KIF26B: variants seen among roughly 807,000 people sequenced by gnomAD.
KIF26B encodes the protein kinesin-like protein KIF26B.
KIF26B carries 63 observed loss-of-function variants against 151.2 expected under a neutral mutation model. That is an observed-to-expected ratio of 0.42 (90% confidence interval 0.34 to 0.51). The LOEUF (loss-of-function observed/expected upper bound fraction) is 0.51, where lower values mean the gene tolerates loss of function less well. KIF26B is among the 20% of genes least tolerant of loss of function. KIF26B has a pLI of 0.07. For missense variants in KIF26B, 2,813 were observed against 2,913.6 expected (o/e 0.97, Z 0.79); for synonymous variants, 1,357 against 1,262.1 (o/e 1.08, Z -1.59).
At chr1:245,425,534 G>A (rs1188918416) in intron 4 of KIF26B, among the ~76,000 whole-genome samples, 1 of 152,140 alleles carries the variant, frequency 6.6e-6, no homozygotes, top group East Asian at 1.9e-4. Flanking sequence ...AGCCTCCCGA[G>A]TAGCTGGGAC....
chr1:245,341,303 GTTTTTTTTTTTTTTTTT>G (rs34249209), intron 2 of KIF26B, among the ~76,000 whole-genome samples: 12 of 82,538 alleles, frequency 1.5e-4, no homozygotes, highest in South Asian at 6.2e-4. Flanking sequence ...AAAAGATGCA[GTTTTTTTTTTTTTTTTT>G]TTTTTTTTTT....
intron 3 of KIF26B, among the ~76,000 whole-genome samples, chr1:245,387,868 C>G (rs1212913732): frequency 6.6e-6 from 1 of 152,196 alleles, no homozygotes; most frequent in Non-Finnish European, 1.5e-5. Flanking sequence ...CAGGTCCCAT[C>G]TCTCTCCCTC....
At chr1:245,696,919 G>A (rs538788282) in intron 12 of KIF26B, among the ~76,000 whole-genome samples, 12 of 152,308 alleles carry the variant, frequency 7.9e-5, no homozygotes, top group African/African-American at 2.9e-4. Flanking sequence ...AGACCAGTCT[G>A]GCCAACATCG....
At chr1:245,353,854 A>T (rs1672623806) in intron 2 of KIF26B, 1 of 152,660 alleles carries the variant, frequency 6.6e-6, no homozygotes, top group Non-Finnish European at 1.5e-5. Context: ...GGATTAATTC[A>T]TCAGTCCCCA....
intron 4 of KIF26B, among the ~76,000 whole-genome samples, chr1:245,499,452 A>T (rs183099702): frequency 6.6e-6 from 1 of 152,356 alleles, no homozygotes; most frequent in East Asian, 1.9e-4. Context: ...GCTAACCTGC[A>T]CTGCCATAGT....
rs977593017 is a variant in KIF26B, at chr1:245,687,405, C to G, written c.4422C>G (p.Thr1474=). The G allele has an allele frequency of 1.9e-6, 3 of 1,588,476 alleles. No homozygotes were observed. Among genetic ancestry groups the G allele is most frequent in the Middle Eastern group, 1.7e-4 (1 of 6,042 alleles). ...ETATGPSNAE[T]RAEQEQDGKP... is the part of the protein sequence containing the mutation. ...CCACGGGCCCCTCGAATGCTGAGAC[C>G]AGAGCAGAGCAGGAGCAGGACGGAA... The change falls in exon 12 of 15, where the codon ACC becomes ACG. Residue 1474 remains threonine (T), a synonymous_variant. Transcript: ENST00000407071. This position sits in a 1 kb window ranked among gnomAD's most constrained non-coding sequence, Gnocchi z 4.9.
At chr1:245,632,660 C>T (rs1466828258) in intron 9 of KIF26B, among the ~76,000 whole-genome samples, 1 of 152,200 alleles carries the variant, frequency 6.6e-6, no homozygotes, top group Non-Finnish European at 1.5e-5. Flanking sequence ...GTAATCCCAG[C>T]ACTTTGGAAG....
chr1:245,213,260 G>C (rs1382172916), intron 2 of KIF26B, among the ~76,000 whole-genome samples: 1 of 152,194 alleles, frequency 6.6e-6, no homozygotes, highest in African/African-American at 2.4e-5. Context: ...GGGGCCTGGA[G>C]AGGGGCCACA....
intron 4 of KIF26B, among the ~76,000 whole-genome samples, chr1:245,511,514 A>G (rs1660836641): frequency 6.6e-6 from 1 of 152,272 alleles, no homozygotes; most frequent in Non-Finnish European, 1.5e-5. Context: ...TTCTCTTTAC[A>G]GGATCATAAA....
chr1:245,415,523 G>A (rs1354730726), intron 3 of KIF26B, among the ~76,000 whole-genome samples: 1 of 152,068 alleles, frequency 6.6e-6, no homozygotes, highest in African/African-American at 2.4e-5. Context: ...CAGTGTATGC[G>A]GGAAAAACCA....
chr1:245,466,184 AATGTTTGT>A (rs906186171), intron 4 of KIF26B, among the ~76,000 whole-genome samples: 1 of 57,062 alleles, frequency 1.8e-5, no homozygotes, highest in Non-Finnish European at 3.6e-5. Context: ...GATCGATGGG[AATGTTTGT>A]TTGTTTGTTT....
rs73125023 is a variant in KIF26B, at chr1:245,170,449, C to G, written c.465+13766C>G. 6.6e-6 allele frequency among the ~76,000 whole-genome samples: 1 copy of G among 152,092 alleles called. No individual in the cohort carries two copies. Among genetic ancestry groups the G allele is most frequent in the South Asian group, 2.1e-4 (1 of 4,818 alleles). On this transcript the variant is annotated intron_variant, in intron 2 of 14. Coordinates refer to ENST00000407071, the MANE Select transcript of KIF26B (RefSeq NM_018012.4). The surrounding 1 kb of genome is among the most constrained non-coding windows in gnomAD (Gnocchi z 4.4). The stretch of plus-strand genomic sequence containing the variant: ...CAATTGGTTCCAGGTGTTCCAGGGA[C>G]GAAACTTATCAGAACCAAACATAGA...
chr1:245,441,611 C>A (rs558984973), intron 4 of KIF26B, among the ~76,000 whole-genome samples: 1 of 152,062 alleles, frequency 6.6e-6, no homozygotes, highest in East Asian at 1.9e-4. Flanking sequence ...CAACGCAGAC[C>A]CCGGGAAGAG....
intron 2 of KIF26B, among the ~76,000 whole-genome samples, chr1:245,162,119 C>T (rs951667830): frequency 6.6e-6 from 1 of 152,234 alleles, no homozygotes; most frequent in Non-Finnish European, 1.5e-5. Flanking sequence ...AGTGCCCCAT[C>T]GGCAGGGCGG....
intron 11 of KIF26B, 25 bp downstream of exon 11, chr1:245,684,420 G>A (rs763274043): frequency 2.6e-6 from 4 of 1,551,022 alleles, no homozygotes; most frequent in Non-Finnish European, 3.5e-6. Flanking sequence ...GGGTGGGGGG[G>A]TGGTGGATGA....
At chr1:245,697,421 T>C (rs746767813) in intron 12 of KIF26B, among the ~76,000 whole-genome samples, 16 of 152,234 alleles carry the variant, frequency 1.1e-4, no homozygotes, top group Non-Finnish European at 1.5e-4. Flanking sequence ...ACGTAACCAG[T>C]GCATGTGAGT....
intron 3 of KIF26B, among the ~76,000 whole-genome samples, chr1:245,399,972 A>G (rs1205773686): frequency 6.6e-6 from 1 of 152,226 alleles, no homozygotes; most frequent in Non-Finnish European, 1.5e-5. Context: ...TTTCTTTCTT[A>G]GTATAATCCC....
At chr1:245,463,119 G>A (rs1659688658) in intron 4 of KIF26B, among the ~76,000 whole-genome samples, 1 of 152,162 alleles carries the variant, frequency 6.6e-6, no homozygotes, top group South Asian at 2.1e-4. Flanking sequence ...TCTTCGACCG[G>A]CCTGGTAGGA....
intron 4 of KIF26B, among the ~76,000 whole-genome samples, chr1:245,468,760 G>T (rs972354370): frequency 6.6e-6 from 1 of 151,890 alleles, no homozygotes; most frequent in South Asian, 2.1e-4. Flanking sequence ...AAGTTATAAC[G>T]TCCGGCAGTA....
Sources: allele counts gnomAD v4.1 joint callset (sites outside exome capture counted in the v4.1 genomes callset), GRCh38; gene constraint gnomAD v4.1.1; non-coding constraint Gnocchi (gnomAD v3.1); transcripts MANE v1.5; gene names NCBI Gene and HGNC (gene_info 2026-07-23, HGNC 2026-07-21).